PHACTR2: variants seen among roughly 807,000 people sequenced by gnomAD.
PHACTR2 encodes chromosome 6 open reading frame 56.
In PHACTR2, 30 loss-of-function variants were observed where a neutral mutation model predicts 76.0. That is an observed-to-expected ratio of 0.39 (90% CI 0.30 to 0.54). PHACTR2 has a LOEUF of 0.54. PHACTR2 is among the 20% of genes least tolerant of loss of function. The probability of loss-of-function intolerance (pLI) is 0.61; values close to 1 mark genes in which losing one functional copy is unlikely to be tolerated. For synonymous variants in PHACTR2, 292 were observed against 292.5 expected (o/e 1.00, Z 0.02); for missense variants, 696 against 781.1 (o/e 0.89, Z 1.30).
intron 1 of PHACTR2, among the ~76,000 whole-genome samples, chr6:143,575,739 T>G (rs1337188825): frequency 6.6e-6 from 1 of 152,002 alleles, no homozygotes; most frequent in Non-Finnish European, 1.5e-5. Context: ...TATTTAATGT[T>G]TATTTATCTT....
rs1252622633 is a variant in PHACTR2 at position 143,583,234 on chromosome 6, A to C, written c.217+46027A>C. 6.6e-6 allele frequency among the ~76,000 whole-genome samples: 1 copy of C among 152,216 alleles called. No individual in the cohort carries two copies. On this transcript the variant is annotated intron_variant, in intron 1 of 11. Coordinates refer to the PHACTR2 transcript ENST00000367584. This position sits in a 1 kb window ranked among gnomAD's most constrained non-coding sequence, Gnocchi z 4.0. The stretch of plus-strand genomic sequence containing the variant: ...CTCCACAATCCGTCCATTTCTGGGA[A>C]CCCAGAAGATTGAGTCCCTTTTACT...
intron 1 of PHACTR2, among the ~76,000 whole-genome samples, chr6:143,569,056 T>C (rs906198618): frequency 6.6e-6 from 1 of 152,216 alleles, no homozygotes; most frequent in Non-Finnish European, 1.5e-5. Context: ...TCTGGACTAG[T>C]CTCTTAATCT....
rs188821054 is a variant in PHACTR2, at chr6:143,574,225, A to G, written c.217+37018A>G. Among the ~76,000 whole-genome samples the G allele has an allele frequency of 2.6e-5, 4 of 152,366 alleles. No individual in the cohort carries two copies. In the East Asian group the frequency reaches 7.7e-4, roughly 29 times the overall value. ...GTGGGCTTCCTCAGCGTGGCTGCTCAGTTCCTCAAGGCAGGAAGGAGAATC... is the reference window on the plus strand; with the variant it reads ...GTGGGCTTCCTCAGCGTGGCTGCTCGGTTCCTCAAGGCAGGAAGGAGAATC... On this transcript the variant is annotated intron_variant, in intron 1 of 11. Transcript: ENST00000367584.
intron 1 of PHACTR2, among the ~76,000 whole-genome samples, chr6:143,538,548 G>A (rs1029527477): frequency 2.0e-5 from 3 of 152,228 alleles, no homozygotes; most frequent in African/African-American, 4.8e-5. Context: ...CTGCCGGGGC[G>A]TGAACGTGCA....
rs1775754200 is a variant in PHACTR2, at chr6:143,793,310, C to T, written c.1845+4400C>T. Reference sequence around the variant, plus strand: ...GTTGAAACAAAAATGGGATTTTGTTCTGGACTTCTAGGTTGCAGGGGAAAG... The same window carrying T: ...GTTGAAACAAAAATGGGATTTTGTTTTGGACTTCTAGGTTGCAGGGGAAAG... On this transcript the variant is annotated intron_variant, in intron 11 of 12. Transcript: ENST00000440869. This position sits in a 1 kb window ranked among gnomAD's most constrained non-coding sequence, Gnocchi z 4.4. Among the ~76,000 whole-genome samples, 1 of 151,312 alleles carries T rather than the reference C, an allele frequency of 6.6e-6. No individual in the cohort carries two copies. The highest frequency in any genetic ancestry group is 2.4e-5 in the African/African-American group (1 of 41,112).
rs1292364332 is a variant in PHACTR2 at position 143,580,042 on chromosome 6, A to G, written c.217+42835A>G. 6.6e-6 allele frequency among the ~76,000 whole-genome samples: 1 copy of G among 152,280 alleles called. No individual in the cohort carries two copies. The highest frequency in any genetic ancestry group is 1.9e-4 in the East Asian group (1 of 5,186). On this transcript the variant is annotated intron_variant, in intron 1 of 11. Transcript: ENST00000367584. This position sits in a 1 kb window ranked among gnomAD's most constrained non-coding sequence, Gnocchi z 4.2. ...TGCAGGCCACCCTCAGTTTCTTGCC[A>G]CGTGGGCCTCTCCATAGGGCAGCTC...
At chr6:143,802,078 C>T (rs1400215817) in intron 11 of PHACTR2, among the ~76,000 whole-genome samples, 1 of 152,192 alleles carries the variant, frequency 6.6e-6, no homozygotes, top group East Asian at 1.9e-4. Context: ...TGAAGCAGAC[C>T]TGTTACCACT....
intron 1 of PHACTR2, among the ~76,000 whole-genome samples, chr6:143,665,086 A>T: frequency 6.6e-6 from 1 of 152,118 alleles, no homozygotes; most frequent in East Asian, 1.9e-4. Flanking sequence ...GGCATGAGCC[A>T]CCGCACCCAG....
intron 1 of PHACTR2, among the ~76,000 whole-genome samples, chr6:143,655,385 T>G (rs1419386886): frequency 1.3e-5 from 2 of 152,084 alleles, no homozygotes; most frequent in African/African-American, 4.8e-5. Flanking sequence ...TACCATAAAA[T>G]TGATGGTAGT....
chr6:143,596,394 AAGAG>A lies in PHACTR2; in HGVS notation c.217+59193_217+59196del, dbSNP rs947725382. The stretch of plus-strand genomic sequence containing the variant: ...GGCTCACATTTACCTGAACTGCATT[AAGAG>A]AGAGACACTCTTACTTATATTTGTA... On this transcript the variant is annotated intron_variant, in intron 1 of 11. Transcript: ENST00000367584. This position sits in a 1 kb window ranked among gnomAD's most constrained non-coding sequence, Gnocchi z 4.6. Among the ~76,000 whole-genome samples, 7 of 152,294 alleles carry A rather than the reference AAGAG, an allele frequency of 4.6e-5. No individual in the cohort carries two copies. The highest frequency in any genetic ancestry group is 2.1e-4 in the South Asian group (1 of 4,824).
chr6:143,799,410 T>C (rs1775904651), intron 11 of PHACTR2, among the ~76,000 whole-genome samples: 1 of 152,264 alleles, frequency 6.6e-6, no homozygotes, highest in South Asian at 2.1e-4. Flanking sequence ...ATCTTAGTTA[T>C]TTCTTGCCTT....
At position 143,765,482 on chromosome 6, in the gene PHACTR2, C is replaced by G. The variant is rs1779539292; in HGVS notation, c.916C>G (p.Pro306Ala). Reference sequence around the variant, plus strand: ...TGGCACATCCGACCTGAAAGGAGAGCCTGCAGAGACCAGAGTGGAGAGTTT... The same window carrying G: ...TGGCACATCCGACCTGAAAGGAGAGGCTGCAGAGACCAGAGTGGAGAGTTT... ...TSGTSDLKGE[P>A]AETRVESFKL... The change falls in exon 6 of 13, where the codon CCT becomes GCT. Residue 306 changes from proline (P) to alanine (A), a missense_variant. By Grantham distance (27) the Pro-to-Ala change is conservative (BLOSUM62 -1). Transcript: ENST00000440869. The surrounding 1 kb of genome is among the most constrained non-coding windows in gnomAD (Gnocchi z 4.1). 6 of 1,614,056 alleles carry G rather than the reference C, an allele frequency of 3.7e-6. No homozygotes were observed. The highest frequency in any genetic ancestry group is 1.7e-5 in the Admixed American group (1 of 60,008).
Position 143,678,496 on chromosome 6 carries a change from C to T in PHACTR2, c.46+287C>T, listed in dbSNP as rs1435639838. On this transcript the variant is annotated intron_variant, in intron 1 of 12. Coordinates refer to ENST00000440869, the MANE Select transcript of PHACTR2 (RefSeq NM_001100164.2). This position sits in a 1 kb window ranked among gnomAD's most constrained non-coding sequence, Gnocchi z 6.2. ...TTCGGAGCCAGAAACTTACGGGAAA[C>T]GCCATTTGCGTATTACAGTGTTTTT... Among the ~76,000 whole-genome samples, 1 of 152,172 alleles carries T rather than the reference C, an allele frequency of 6.6e-6. No individual in the cohort carries two copies. The highest frequency in any genetic ancestry group is 1.5e-5 in the Non-Finnish European group (1 of 68,018).
At chr6:143,588,313 T>C (rs1368914658) in intron 1 of PHACTR2, among the ~76,000 whole-genome samples, 1 of 152,246 alleles carries the variant, frequency 6.6e-6, no homozygotes, top group Non-Finnish European at 1.5e-5. Flanking sequence ...CAAACCTCAT[T>C]GGCCTGGTCA....
At chr6:143,555,082 T>C (rs1411697593) in intron 1 of PHACTR2, 3 of 152,368 alleles carry the variant, frequency 2.0e-5, no homozygotes, top group African/African-American at 7.2e-5. Flanking sequence ...TTTACAAATA[T>C]GCTGTAGATG....
intron 1 of PHACTR2, among the ~76,000 whole-genome samples, chr6:143,667,394 G>GT: frequency 6.6e-6 from 1 of 152,290 alleles, no homozygotes; most frequent in East Asian, 1.9e-4. Context: ...ATTTAAAGTA[G>GT]TTTTTTAAAA....
At position 143,803,682 on chromosome 6, in the gene PHACTR2, G is replaced by A. The variant is rs1776009315; in HGVS notation, c.1846-3375G>A. On this transcript the variant is annotated intron_variant, in intron 11 of 12. Transcript: ENST00000440869. This position sits in a 1 kb window ranked among gnomAD's most constrained non-coding sequence, Gnocchi z 4.7. ...TGGCCAACAACTGTTTGAGAATGAT[G>A]TTAACATCACACATAGAAAGGCTGT... 6.6e-6 allele frequency among the ~76,000 whole-genome samples: 1 copy of A among 152,156 alleles called. No individual in the cohort carries two copies. Among genetic ancestry groups the A allele is most frequent in the African/African-American group, 2.4e-5 (1 of 41,420 alleles).
Position 143,829,204 on chromosome 6 carries a change from T to C in PHACTR2, c.*5515T>C, listed in dbSNP as rs1329113280. ...TGAAGAAAGCTTTTTTTTTTTTTTT[T>C]TTTTTTGCCTTACAACTTTTCTTTA... On this transcript the variant is annotated 3_prime_UTR_variant, in exon 13 of 13. Transcript: ENST00000440869. 1 of 150,978 alleles carries C rather than the reference T, an allele frequency of 6.6e-6. No individual in the cohort carries two copies. The highest frequency in any genetic ancestry group is 1.5e-5 in the Non-Finnish European group (1 of 67,842). 9.4% of individuals were successfully genotyped at this position (150,978 alleles called of 1,614,324 possible). A position where few individuals can be genotyped will look rare whatever the true frequency, so the allele number is the denominator to read the frequency against.
In PHACTR2 at chr6:143,791,158, G is replaced by GT. The variant is rs1775680374; in HGVS notation, c.1845+2254dup. 6.6e-6 allele frequency among the ~76,000 whole-genome samples: 1 copy of GT among 152,054 alleles called. No homozygotes were observed. The highest frequency in any genetic ancestry group is 2.1e-4 in the South Asian group (1 of 4,822). Reference sequence around the variant, plus strand: ...TTAACTTTTTTGTTTACCTGGAGTTGTTTTTTGGGGGAAGGTATAAGATAT... The same window carrying GT: ...TTAACTTTTTTGTTTACCTGGAGTTGTTTTTTTGGGGGAAGGTATAAGATAT... On this transcript the variant is annotated intron_variant, in intron 11 of 12. Transcript: ENST00000440869. This position sits in a 1 kb window ranked among gnomAD's most constrained non-coding sequence, Gnocchi z 4.7.
Sources: allele counts gnomAD v4.1 joint callset (sites outside exome capture counted in the v4.1 genomes callset), GRCh38; gene constraint gnomAD v4.1.1; non-coding constraint Gnocchi (gnomAD v3.1); transcripts MANE v1.5; gene names NCBI Gene and HGNC (gene_info 2026-07-23, HGNC 2026-07-21).